The following GTF3C2 variants were observed in gnomAD, a reference collection of about 807,000 sequenced individuals.
The protein encoded by GTF3C2 is general transcription factor IIIC subunit 2, also known as general transcription factor 3C polypeptide 2.
In GTF3C2, 17 loss-of-function variants were observed where a neutral mutation model predicts 117.4. That is an observed-to-expected ratio of 0.14 (90% CI 0.10 to 0.22). GTF3C2 has a LOEUF of 0.22. Ranked by LOEUF, GTF3C2 falls within the 10% of genes least tolerant of loss-of-function variation. The pLI is 1.00. For missense variants in GTF3C2, 888 were observed against 1,143.6 expected (o/e 0.78, Z 3.22); for synonymous variants, 437 against 427.0 (o/e 1.02, Z -0.29).
intron 1 of GTF3C2, chr2:27,355,975 G>A (rs1461100106): frequency 5.0e-6 from 3 of 603,832 alleles, no homozygotes; most frequent in African/African-American, 3.8e-5. Context: ...TCAATTTAAA[G>A]AGAACTATTC....
Position 27,342,516 on chromosome 2 carries a change from C to G in GTF3C2, c.570-283G>C, listed in dbSNP as rs1680771432. The G allele has an allele frequency of 7.4e-6, 4 of 537,792 alleles. No homozygotes were observed. In the East Asian group the frequency reaches 1.2e-4, roughly 16 times the overall value. The allele number at this position is 537,792 out of a possible 1,614,324, so 33.3% of individuals were successfully genotyped here. On this transcript the variant is annotated intron_variant, in intron 3 of 18. Transcript: ENST00000264720. ...TACCACAGTCAAAGAACACAGAGGG[C>G]AAGAGAAAGAATGGAACAGAATATA...
intron 1 of GTF3C2, among the ~76,000 whole-genome samples, chr2:27,351,847 C>T (rs761966238): frequency 6.6e-6 from 1 of 152,174 alleles, no homozygotes; most frequent in Non-Finnish European, 1.5e-5. Flanking sequence ...CTCTGCAATG[C>T]CACTTGCAGA....
intron 1 of GTF3C2, among the ~76,000 whole-genome samples, chr2:27,344,293 G>A (rs1423915449): frequency 1.3e-5 from 2 of 152,016 alleles, no homozygotes; most frequent in Non-Finnish European, 2.9e-5. Flanking sequence ...CAAAGTGCTG[G>A]GATTACAGAT....
At chr2:27,343,286 G>A in intron 2 of GTF3C2, 22 bp downstream of exon 2, 8 of 1,606,226 alleles carry the variant, frequency 5.0e-6, no homozygotes, top group Non-Finnish European at 6.8e-6. Context: ...GGAATAAAAA[G>A]ATAAGAGGAC....
At chr2:27,345,769 A>C in intron 1 of GTF3C2, among the ~76,000 whole-genome samples, 2 of 146,886 alleles carry the variant, frequency 1.4e-5, no homozygotes, top group Admixed American at 6.9e-5. Flanking sequence ...GCTGGAGTGC[A>C]GTGGCGTGAT....
intron 11 of GTF3C2, 88 bp downstream of exon 11, chr2:27,333,886 A>G (rs753607202): frequency 6.8e-7 from 1 of 1,468,490 alleles, no homozygotes; most frequent in African/African-American, 1.4e-5. Context: ...GGTATTTTTC[A>G]GAAGTATAAG....
chr2:27,333,756 C>T, exon 12 of GTF3C2: 1 of 1,606,836 alleles, frequency 6.2e-7, no homozygotes, highest in African/African-American at 1.3e-5. Context: ...TTGCATAGAC[C>T]CCACCTGCAG....
At chr2:27,345,459 G>A (rs1427416864) in intron 1 of GTF3C2, among the ~76,000 whole-genome samples, 1 of 151,804 alleles carries the variant, frequency 6.6e-6, no homozygotes, top group Non-Finnish European at 1.5e-5. Flanking sequence ...TGGGCATGGT[G>A]GCAGGCGCCT....
At chr2:27,326,426 T>C in exon 19 of GTF3C2, 1 of 576,766 alleles carries the variant, frequency 1.7e-6, no homozygotes, top group South Asian at 2.0e-5. Context: ...TGAGTGTTTC[T>C]CATGAGCCAT....
rs185809346 is a variant in GTF3C2, at chr2:27,348,870, C to T, written c.-24-5292G>A. ...TTTATTTTTGAAATGGAGTCTTGCT[C>T]TTGTCACCCAGGCTGGAGTGCAGTG... On this transcript the variant is annotated intron_variant, in intron 1 of 18. Coordinates refer to ENST00000264720, the Ensembl canonical transcript of GTF3C2. 6.0e-3 allele frequency among the ~76,000 whole-genome samples: 910 copies of T among 152,302 alleles called. 7 individuals carry two copies. Among genetic ancestry groups the T allele is most frequent in the Non-Finnish European group, 9.6e-3 (654 of 68,028 alleles).
exon 15 of GTF3C2, chr2:27,328,848 A>G (rs1459392916): frequency 1.2e-6 from 2 of 1,609,914 alleles, no homozygotes; most frequent in Non-Finnish European, 1.7e-6. Flanking sequence ...GCTCACCCAA[A>G]CGGTGCCTTT....
chr2:27,326,482 C>A (rs551930166), exon 19 of GTF3C2: 4 of 604,380 alleles, frequency 6.6e-6, no homozygotes, highest in South Asian at 2.0e-5. Context: ...GGAGAGCCCC[C>A]CTGCCCGCAG....
chr2:27,348,359 G>C (rs1437862318), intron 1 of GTF3C2, among the ~76,000 whole-genome samples: 1 of 151,844 alleles, frequency 6.6e-6, no homozygotes, highest in African/African-American at 2.4e-5. Context: ...AAGATCACTT[G>C]AGCCTGGGAG....
chr2:27,326,761 G>A (rs1680088053), exon 19 of GTF3C2: 1 of 1,614,046 alleles, frequency 6.2e-7, no homozygotes, highest in Non-Finnish European at 8.5e-7. Context: ...GCATTGAAGT[G>A]GGCTCGGCTT....
At chr2:27,335,925 G>T in exon 9 of GTF3C2, 4 of 1,598,184 alleles carry the variant, frequency 2.5e-6, no homozygotes, top group Non-Finnish European at 3.4e-6. Context: ...ACCTTCCGAG[G>T]GGTGCCTGGA....
intron 10 of GTF3C2, chr2:27,335,211 G>T (rs1411617846): frequency 4.2e-6 from 2 of 477,730 alleles, no homozygotes. Context: ...TTGTGTTTGT[G>T]TGGTGGTGAG....
chr2:27,343,120 G>A lies in GTF3C2; in HGVS notation c.275C>T (p.Ser92Leu), dbSNP rs774560559. 7 of 1,590,756 alleles carry A rather than the reference G, an allele frequency of 4.4e-6. No homozygotes were observed. Among genetic ancestry groups the A allele is most frequent in the Admixed American group, 3.6e-5 (2 of 55,552 alleles). ...GCCAGGCTTTGAGGCCCTAGGCTTT[G>A]AGACCTTTGACATCTCTGAAGAAAG... The change falls in exon 3 of 19, where the codon TCA becomes TTA. Residue 92 changes from serine to leucine, a missense_variant. This residue lies in a region of GTF3C2 where 393 missense variants were observed against 401.5 expected (regional missense o/e 0.98). Coordinates refer to ENST00000264720, the Ensembl canonical transcript of GTF3C2.
At chr2:27,327,810 T>C (rs1033608444) in intron 17 of GTF3C2, among the ~76,000 whole-genome samples, 3 of 151,998 alleles carry the variant, frequency 2.0e-5, no homozygotes, top group African/African-American at 4.8e-5. Context: ...GTATTTTTAG[T>C]AGAGACGGAG....
At position 27,337,353 on chromosome 2, in the gene GTF3C2, A is replaced by T. The variant is rs920428690; in HGVS notation, c.1029-11T>A. On this transcript the variant is annotated splice_polypyrimidine_tract_variant and intron_variant, in intron 6 of 18. Coordinates refer to ENST00000264720, the Ensembl canonical transcript of GTF3C2. ...TAGGGAGCGGCCTCACTGGGGGAAG[A>T]CAAAGGGAACAGTCTAAATTTGGAA... is the stretch of plus-strand genomic sequence containing the variant. The T allele has an allele frequency of 3.2e-5, 51 of 1,571,916 alleles. No homozygotes were observed. Among genetic ancestry groups the T allele is most frequent in the Non-Finnish European group, 4.3e-5 (49 of 1,141,964 alleles).
Sources: allele counts gnomAD v4.1 joint callset (sites outside exome capture counted in the v4.1 genomes callset), GRCh38; gene constraint gnomAD v4.1.1; regional missense constraint gnomAD v4.1.1; transcripts MANE v1.5; gene names NCBI Gene and HGNC (gene_info 2026-07-23, HGNC 2026-07-21).